The following CHRNB3 variants were observed in gnomAD, a reference collection of about 807,000 sequenced individuals.
CHRNB3 encodes the protein neuronal acetylcholine receptor subunit beta-3.
CHRNB3 carries 37 observed loss-of-function variants against 40.6 expected under a neutral mutation model. That is an observed-to-expected ratio of 0.91 (90% CI 0.70 to 1.20). The LOEUF is 1.20. CHRNB3 is among the 50% of genes most tolerant of loss of function. The pLI is 0.00. For synonymous variants in CHRNB3, 207 were observed against 207.1 expected, an observed-to-expected ratio of 1.00 and a Z score of 0.00; for missense variants, 505 against 551.2, an observed-to-expected ratio of 0.92 and a Z score of 0.84.
intron 1 of CHRNB3, among the ~76,000 whole-genome samples, chr8:42,700,995 T>C (rs147295851): frequency 2.1e-3 from 319 of 151,992 alleles, no homozygotes; most frequent in African/African-American, 7.4e-3. Flanking sequence ...TTTGGGAGGC[T>C]GAGGCATGCA....
At chr8:42,703,435 A>AAAAAATATATATATATATATAT in intron 1 of CHRNB3, among the ~76,000 whole-genome samples, 30 of 47,380 alleles carry the variant, frequency 6.3e-4, no homozygotes, top group Admixed American at 1.4e-3. Flanking sequence ...AAAAAAAAAA[A>AAAAAATATATATATATATATAT]ATATTTATAT....
rs778211208 is a variant in CHRNB3, at chr8:42,731,808, C to T, written c.501C>T (p.Cys167=). ...VTFFPFDRQN[C]SMKFGSWTYD... ...TTTTCCCGTTCGACCGACAGAACTG[C>T]TCCATGAAGTTTGGATCCTGGACTT... is the stretch of plus-strand genomic sequence containing the variant. The change falls in exon 5 of 6, where the codon TGC becomes TGT. Residue 167 remains cysteine (C), a synonymous_variant. Coordinates refer to ENST00000289957, the MANE Select transcript of CHRNB3 (RefSeq NM_000749.5). 1 of 1,614,096 alleles carries T rather than the reference C, an allele frequency of 6.2e-7. No homozygotes were observed. The highest frequency in any genetic ancestry group is 1.1e-5 in the South Asian group (1 of 91,068).
At chr8:42,717,600 C>T (rs1363068090) in intron 3 of CHRNB3, among the ~76,000 whole-genome samples, 1 of 151,410 alleles carries the variant, frequency 6.6e-6, no homozygotes, top group Non-Finnish European at 1.5e-5. Flanking sequence ...GGACTTCTTA[C>T]TCAAGTGGAC....
intron 1 of CHRNB3, among the ~76,000 whole-genome samples, chr8:42,704,126 C>G (rs965880817): frequency 1.3e-5 from 2 of 152,184 alleles, no homozygotes; most frequent in African/African-American, 4.8e-5. Flanking sequence ...AGTCTGTGAT[C>G]ACGTGCTAGA....
intron 1 of CHRNB3, among the ~76,000 whole-genome samples, chr8:42,707,832 C>T (rs780675140): frequency 1.3e-5 from 2 of 152,146 alleles, no homozygotes; most frequent in African/African-American, 4.8e-5. Flanking sequence ...GACCATGTGC[C>T]GACTCTGACA....
In CHRNB3 at chr8:42,708,788, A is replaced by C; in HGVS notation, c.124A>C (p.Lys42Gln). The change falls in exon 2 of 6, where the codon AAA becomes CAA. Residue 42 changes from lysine to glutamine, a missense_variant. Lys to Gln is a moderately conservative substitution (Grantham distance 53). Coordinates refer to ENST00000289957, the MANE Select transcript of CHRNB3 (RefSeq NM_000749.5). Reference sequence around the variant, plus strand: ...CAGACATTTGTTCCAAGGTTATCAGAAATGGGTCCGCCCTGTATTACATTC... The same window carrying C: ...CAGACATTTGTTCCAAGGTTATCAGCAATGGGTCCGCCCTGTATTACATTC... ...LLRHLFQGYQ[K>Q]WVRPVLHSND... 1 of 1,614,184 alleles carries C rather than the reference A, an allele frequency of 6.2e-7. No homozygotes were observed. The highest frequency in any genetic ancestry group is 8.5e-7 in the Non-Finnish European group (1 of 1,180,004).
intron 3 of CHRNB3, among the ~76,000 whole-genome samples, chr8:42,719,499 T>A (rs1032686532): frequency 2.0e-5 from 3 of 151,980 alleles, no homozygotes; most frequent in African/African-American, 7.3e-5. Flanking sequence ...TAAGAAAAAT[T>A]AGCCAGGCAT....
At chr8:42,705,558 G>C (rs1045148013) in intron 1 of CHRNB3, 2 of 152,290 alleles carry the variant, frequency 1.3e-5, no homozygotes, top group African/African-American at 2.4e-5. Context: ...GCCCTGACCA[G>C]ATGTCAGTGA....
Position 42,736,728 on chromosome 8 carries a change from T to G in CHRNB3, c.*110T>G. On this transcript the variant is annotated 3_prime_UTR_variant, in exon 6 of 6. Transcript: ENST00000289957. The stretch of plus-strand genomic sequence containing the variant: ...TCTACGAACCCCGAATGCGTTGTCT[T>G]TGTGGAAATGGAACATCTCCTCATG... 5.3e-6 allele frequency: 7 copies of G among 1,311,460 alleles called. No individual in the cohort carries two copies. Among genetic ancestry groups the G allele is most frequent in the Middle Eastern group, 2.0e-4 (1 of 4,884 alleles). The allele number at this position is 1,311,460 out of a possible 1,614,324, so 81.2% of individuals were successfully genotyped here.
chr8:42,728,533 TAAAA>T (rs1292318024), intron 3 of CHRNB3, among the ~76,000 whole-genome samples: 1 of 151,710 alleles, frequency 6.6e-6, no homozygotes. Flanking sequence ...TGTCTCAAAT[TAAAA>T]AAACAAAACA....
chr8:42,733,388 G>A (rs1166436818), intron 5 of CHRNB3, among the ~76,000 whole-genome samples: 1 of 152,034 alleles, frequency 6.6e-6, no homozygotes, highest in Non-Finnish European at 1.5e-5. Flanking sequence ...CCTGGGTTCA[G>A]ATCATAATCT....
chr8:42,730,760 A>C lies in CHRNB3; in HGVS notation c.359+57A>C, dbSNP rs1273332097. The C allele has an allele frequency of 3.3e-6, 4 of 1,208,642 alleles. 1 individual carries two copies. In the African/African-American group the frequency reaches 4.8e-5, roughly 14 times the overall value. The allele number at this position is 1,208,642 out of a possible 1,614,324, so 74.9% of individuals were successfully genotyped here. On this transcript the variant is annotated intron_variant, in intron 4 of 5. Coordinates refer to ENST00000289957, the MANE Select transcript of CHRNB3 (RefSeq NM_000749.5). ...AAAAAAATAAATTTTTTAAAAAGTG[A>C]AAAAAAGGCTGGGCGCGGTGGCTCA...
intron 3 of CHRNB3, chr8:42,726,035 T>A: frequency 1.0e-6 from 1 of 969,270 alleles, no homozygotes; most frequent in Admixed American, 1.8e-5. Flanking sequence ...ACGTACCTTG[T>A]CACGTTTCTG....
intron 3 of CHRNB3, among the ~76,000 whole-genome samples, chr8:42,717,408 C>CAAAAAAAAA (rs1816134324): frequency 2.7e-5 from 2 of 73,732 alleles, no homozygotes; most frequent in Non-Finnish European, 5.6e-5. Flanking sequence ...AAAAAAAAGC[C>CAAAAAAAAA]GACCTGTTGT....
intron 3 of CHRNB3, among the ~76,000 whole-genome samples, chr8:42,717,079 TAAG>T (rs1043662311): frequency 1.3e-5 from 2 of 151,062 alleles, no homozygotes; most frequent in Non-Finnish European, 2.9e-5. Context: ...CCAGGAAAAA[TAAG>T]AAGCAGACTG....
At chr8:42,703,440 T>TTATATATATATATA (rs56211568) in intron 1 of CHRNB3, among the ~76,000 whole-genome samples, 2 of 80,706 alleles carry the variant, frequency 2.5e-5, no homozygotes, top group Non-Finnish European at 2.9e-5. Context: ...AAAAAAATAT[T>TTATATATATATATA]TATATATATA....
At chr8:42,725,120 GCT>G (rs1816285989) in intron 3 of CHRNB3, among the ~76,000 whole-genome samples, 1 of 71,812 alleles carries the variant, frequency 1.4e-5, no homozygotes, top group African/African-American at 5.4e-5. Context: ...ACAGAGTTTT[GCT>G]CTTATTGCCC....
chr8:42,710,308 A>T, intron 2 of CHRNB3, 82 bp from the exon 3 acceptor site: 1 of 1,079,358 alleles, frequency 9.3e-7, no homozygotes, highest in Non-Finnish European at 1.4e-6. Context: ...ACATCTTGAG[A>T]TCCCATTTCT....
At chr8:42,702,588 C>T (rs937428604) in intron 1 of CHRNB3, among the ~76,000 whole-genome samples, 5 of 152,106 alleles carry the variant, frequency 3.3e-5, no homozygotes, top group Non-Finnish European at 7.3e-5. Flanking sequence ...CATATTGAAA[C>T]CCTGTCTCTA....
Sources: gnomAD v4.1 joint callset for allele counts (sites outside exome capture counted in the v4.1 genomes callset) on GRCh38, gnomAD v4.1.1 for gene constraint, MANE v1.5 for transcripts, NCBI Gene and HGNC (gene_info 2026-07-23, HGNC 2026-07-21) for gene names.